CREB5: variants seen among roughly 807,000 people sequenced by gnomAD.
CREB5 encodes the protein cAMP responsive element binding protein 5.
CREB5 carries 19 observed loss-of-function variants against 57.1 expected under a neutral mutation model. The observed-to-expected ratio is 0.33, with a 90% CI of 0.23 to 0.49. The LOEUF is 0.49. CREB5 is among the 20% of genes least tolerant of loss of function. The pLI, the probability that CREB5 is intolerant of heterozygous loss-of-function variation, is 0.99. For synonymous variants in CREB5, 238 were observed against 238.3 expected (o/e 1.00, Z 0.01); for missense variants, 579 against 671.6 (o/e 0.86, Z 1.52).
chr7:28,314,955 T>C (rs769052938), intron 1 of CREB5, among the ~76,000 whole-genome samples: 44 of 152,244 alleles, frequency 2.9e-4, no homozygotes, highest in Non-Finnish European at 6.0e-4. Context: ...TTTCTAACCA[T>C]ATTCCAGTGA....
chr7:28,700,101 G>A (rs1333039664), intron 5 of CREB5, among the ~76,000 whole-genome samples: 2 of 152,166 alleles, frequency 1.3e-5, no homozygotes, highest in African/African-American at 4.8e-5. Context: ...ATGTTATTAA[G>A]CTATGAATGA....
At chr7:28,398,839 G>A (rs756637887) in intron 1 of CREB5, among the ~76,000 whole-genome samples, 3 of 151,986 alleles carry the variant, frequency 2.0e-5, no homozygotes, top group Non-Finnish European at 2.9e-5. Context: ...AGCCTCCCGA[G>A]CAGCTGGGAC....
chr7:28,683,669 G>T (rs1800711316), intron 5 of CREB5, among the ~76,000 whole-genome samples: 1 of 152,100 alleles, frequency 6.6e-6, no homozygotes, highest in Non-Finnish European at 1.5e-5. Context: ...GATGCTGGCG[G>T]GTCTCATCTG....
At chr7:28,524,411 A>G (rs1311151443) in intron 4 of CREB5, among the ~76,000 whole-genome samples, 1 of 151,958 alleles carries the variant, frequency 6.6e-6, no homozygotes, top group Non-Finnish European at 1.5e-5. Context: ...AGGCTGAGGC[A>G]GGAGAATTGC....
chr7:28,590,694 AT>A (rs1220198817), intron 5 of CREB5, among the ~76,000 whole-genome samples: 3 of 150,230 alleles, frequency 2.0e-5, no homozygotes, highest in African/African-American at 7.3e-5. Flanking sequence ...AATAATAATA[AT>A]AATAATAATA....
intron 5 of CREB5, among the ~76,000 whole-genome samples, chr7:28,579,643 C>A (rs909434336): frequency 6.6e-6 from 1 of 152,206 alleles, no homozygotes. Context: ...CCTGAATAAC[C>A]ACATGCCCAT....
rs139222705 is a variant in CREB5, at chr7:28,486,670, TTATATA to T, written c.4-1487_4-1482del. On this transcript the variant is annotated intron_variant, in intron 1 of 10. Transcript: ENST00000357727. ...AACTAAACGTGTATCTCCTATGATT[TTATATA>T]TATATATATATATATATGTTACTGT... Among the ~76,000 whole-genome samples the T allele has an allele frequency of 1.0e-3, 92 of 89,148 alleles. 10 individuals are homozygous for T. In the South Asian group the frequency reaches 0.028, roughly 27 times the overall value. 58.5% of individuals were successfully genotyped at this position (89,148 alleles called of 152,430 possible).
intron 7 of CREB5, among the ~76,000 whole-genome samples, chr7:28,782,744 C>T (rs932353340): frequency 6.6e-5 from 10 of 152,030 alleles, no homozygotes; most frequent in African/African-American, 9.7e-5. Flanking sequence ...TAGAAATTAG[C>T]GGATTGTCAA....
At chr7:28,623,757 T>A (rs1248832240) in intron 5 of CREB5, among the ~76,000 whole-genome samples, 1 of 152,218 alleles carries the variant, frequency 6.6e-6, no homozygotes, top group African/African-American at 2.4e-5. Context: ...AACAGCAGAA[T>A]GACAGAATTT....
chr7:28,569,676 C>T (rs982169236), intron 4 of CREB5, among the ~76,000 whole-genome samples: 3 of 152,152 alleles, frequency 2.0e-5, no homozygotes, highest in African/African-American at 7.2e-5. Flanking sequence ...GAGGAAAAGA[C>T]ATGGAACAAG....
chr7:28,398,566 G>A, intron 1 of CREB5, among the ~76,000 whole-genome samples: 1 of 152,172 alleles, frequency 6.6e-6, no homozygotes, highest in Non-Finnish European at 1.5e-5. Flanking sequence ...AGCTAATAGG[G>A]AGAATATATA....
intron 1 of CREB5, among the ~76,000 whole-genome samples, chr7:28,346,891 A>G (rs1439496325): frequency 1.3e-5 from 2 of 152,204 alleles, no homozygotes; most frequent in Non-Finnish European, 2.9e-5. Context: ...GGATGGGGAC[A>G]TTAGAACTTT....
At chr7:28,413,477 C>T (rs985913962) in intron 1 of CREB5, among the ~76,000 whole-genome samples, 2 of 152,014 alleles carry the variant, frequency 1.3e-5, no homozygotes, top group African/African-American at 4.8e-5. Context: ...TTTTCCTTTG[C>T]TTATAGCATT....
intron 5 of CREB5, among the ~76,000 whole-genome samples, chr7:28,650,483 A>G (rs551812668): frequency 6.6e-6 from 1 of 152,306 alleles, no homozygotes. Context: ...TACTTCTGCC[A>G]GGACACAGTC....
chr7:28,663,623 T>C (rs1799700635), intron 5 of CREB5, among the ~76,000 whole-genome samples: 1 of 152,234 alleles, frequency 6.6e-6, no homozygotes, highest in South Asian at 2.1e-4. Context: ...GGTTTCTACA[T>C]GGAAGTATCA....
At chr7:28,693,669 T>C (rs1801391402) in intron 5 of CREB5, among the ~76,000 whole-genome samples, 1 of 152,248 alleles carries the variant, frequency 6.6e-6, no homozygotes, top group African/African-American at 2.4e-5. Flanking sequence ...ACTCTGGCTT[T>C]GCCATTTGCT....
At position 28,651,586 on chromosome 7, in the gene CREB5, TTAAAA is replaced by T. The variant is rs201540029; in HGVS notation, c.465-67162_465-67158del. The stretch of plus-strand genomic sequence containing the variant: ...GTGAGACCCCATCTCTACAAAAAAA[TTAAAA>T]TAAAGACTTCTGCACCTTTCTATTT... On this transcript the variant is annotated intron_variant, in intron 5 of 10. Transcript: ENST00000357727. Among the ~76,000 whole-genome samples, 6 of 152,134 alleles carry T rather than the reference TTAAAA, an allele frequency of 3.9e-5. No individual in the cohort carries two copies. In the East Asian group the frequency reaches 1.2e-3, roughly 30 times the overall value.
At chr7:28,566,830 T>G (rs1583640405) in intron 4 of CREB5, among the ~76,000 whole-genome samples, 1 of 152,224 alleles carries the variant, frequency 6.6e-6, no homozygotes, top group Non-Finnish European at 1.5e-5. Context: ...TTAGAATATG[T>G]CTTTCAGGAG....
intron 1 of CREB5, among the ~76,000 whole-genome samples, chr7:28,368,285 C>G (rs113850848): frequency 4.6e-5 from 7 of 152,086 alleles, no homozygotes; most frequent in Non-Finnish European, 1.0e-4. Context: ...GTACAATGTA[C>G]AGTATTCGGG....
Sources: gnomAD v4.1 joint callset for allele counts (sites outside exome capture counted in the v4.1 genomes callset) on GRCh38, gnomAD v4.1.1 for gene constraint, MANE v1.5 for transcripts, NCBI Gene and HGNC (gene_info 2026-07-23, HGNC 2026-07-21) for gene names.